ANKRD44: variants seen among roughly 807,000 people sequenced by gnomAD.
ANKRD44 encodes the protein serine/threonine-protein phosphatase 6 regulatory ankyrin repeat subunit B.
Under a neutral mutation model 116.0 loss-of-function variants are expected in ANKRD44, and 35 were observed. That is an observed-to-expected ratio of 0.30 (90% confidence interval 0.23 to 0.40). ANKRD44 has a LOEUF of 0.40. Among genes scored for constraint, ANKRD44 ranks in the 10% least tolerant of loss-of-function variants. The pLI is 1.00. For synonymous variants in ANKRD44, 435 were observed against 461.8 expected (o/e 0.94, Z 0.74); for missense variants, 1,014 against 1,242.6 (o/e 0.82, Z 2.77).
At chr2:197,141,624 A>T (rs1475380864) in intron 3 of ANKRD44, among the ~76,000 whole-genome samples, 1 of 152,224 alleles carries the variant, frequency 6.6e-6, no homozygotes, top group Non-Finnish European at 1.5e-5. Context: ...TTTCAAGGTG[A>T]TTAGAAATGT....
chr2:197,034,083 A>AGAGAGAGAGAGAGC lies in ANKRD44; in HGVS notation c.1651-8817_1651-8816insGCTCTCTCTCTCTC, dbSNP rs1410716481. Among the ~76,000 whole-genome samples the AGAGAGAGAGAGAGC allele has an allele frequency of 8.8e-4, 134 of 151,834 alleles. No individual in the cohort carries two copies. In the Middle Eastern group the frequency reaches 0.01, roughly 12 times the overall value. On this transcript the variant is annotated intron_variant, in intron 16 of 27. Coordinates refer to ENST00000282272, the MANE Select transcript of ANKRD44 (RefSeq NM_001195144.2). ...GAGAGAGAGAGAGAGAGAGAGAGAG[A>AGAGAGAGAGAGAGC]GAGCTCATACTATGCCTTGCTATAC... is the stretch of plus-strand genomic sequence containing the variant.
At chr2:197,038,927 G>A (rs1355197362) in intron 16 of ANKRD44, among the ~76,000 whole-genome samples, 1 of 152,118 alleles carries the variant, frequency 6.6e-6, no homozygotes, top group African/African-American at 2.4e-5. Context: ...AAGAATTGCT[G>A]CAGAAGCCAT....
At chr2:197,010,307 G>A (rs1017760823) in intron 18 of ANKRD44, among the ~76,000 whole-genome samples, 6 of 152,064 alleles carry the variant, frequency 3.9e-5, no homozygotes, top group African/African-American at 1.2e-4. Context: ...CACGGTCACC[G>A]AGCCACAGGC....
intron 1 of ANKRD44, among the ~76,000 whole-genome samples, chr2:197,224,657 C>T (rs2081660624): frequency 6.6e-6 from 1 of 152,100 alleles, no homozygotes; most frequent in Non-Finnish European, 1.5e-5. Context: ...GTTTGTTGCG[C>T]TTTTCTATAC....
chr2:197,182,043 T>G (rs1377358996), intron 2 of ANKRD44, among the ~76,000 whole-genome samples: 1 of 152,216 alleles, frequency 6.6e-6, no homozygotes, highest in African/African-American at 2.4e-5. Flanking sequence ...AAAAGTGTCC[T>G]CTTGACATCA....
At chr2:197,097,618 C>T (rs2078191168) in intron 10 of ANKRD44, among the ~76,000 whole-genome samples, 1 of 152,216 alleles carries the variant, frequency 6.6e-6, no homozygotes, top group African/African-American at 2.4e-5. Flanking sequence ...CTTCTGTCAT[C>T]CCTCAGCCTC....
rs148567022 is a variant in ANKRD44, at chr2:197,030,821, G to T, written c.1651-5554C>A. Among the ~76,000 whole-genome samples the T allele has an allele frequency of 9.6e-3, 1,455 of 152,192 alleles. 17 individuals are homozygous for T. The highest frequency in any genetic ancestry group is 0.033 in the African/African-American group (1,379 of 41,542). On this transcript the variant is annotated intron_variant, in intron 16 of 27. Transcript: ENST00000282272. The stretch of plus-strand genomic sequence containing the variant: ...AGCAATACAAGTGCTTTTGTTGTTG[G>T]TGGTGGTGTTGTTTTTTACTTATTA...
rs1180843759 is a variant in ANKRD44, at chr2:197,056,482, TGTAA to T, written c.1650+22217_1650+22220del. 3.3e-5 allele frequency among the ~76,000 whole-genome samples: 5 copies of T among 152,310 alleles called. No individual in the cohort carries two copies. The East Asian group carries it at 7.7e-4, about 23-fold the overall frequency. On this transcript the variant is annotated intron_variant, in intron 16 of 27. Transcript: ENST00000282272. ...TATGCTGTTGAAAATTGTAATTTTT[TGTAA>T]GTGATATCTTTTTAAAATTTCATTT... is the stretch of plus-strand genomic sequence containing the variant.
intron 17 of ANKRD44, among the ~76,000 whole-genome samples, chr2:197,017,923 T>A (rs1047454685): frequency 6.6e-6 from 1 of 152,216 alleles, no homozygotes; most frequent in African/African-American, 2.4e-5. Flanking sequence ...CAGGGAAGTG[T>A]CTGCTGAAAG....
intron 2 of ANKRD44, among the ~76,000 whole-genome samples, chr2:197,169,195 A>T (rs1354750412): frequency 6.6e-6 from 1 of 151,828 alleles, no homozygotes; most frequent in Admixed American, 6.6e-5. Context: ...TCCTGTCTTT[A>T]TCCAGCCTGA....
At chr2:197,081,258 C>A (rs1450304717) in intron 15 of ANKRD44, among the ~76,000 whole-genome samples, 2 of 152,140 alleles carry the variant, frequency 1.3e-5, no homozygotes, top group Admixed American at 1.3e-4. Flanking sequence ...AGTATTAAGA[C>A]CTTTTAAAAT....
At chr2:196,999,563 C>CTTATTTATTTATTTAT (rs375324261) in intron 23 of ANKRD44, among the ~76,000 whole-genome samples, 2 of 138,396 alleles carry the variant, frequency 1.4e-5, no homozygotes, top group African/African-American at 2.7e-5. Flanking sequence ...TGTACAGACA[C>CTTATTTATTTATTTAT]TTATTTATTT....
At chr2:197,068,320 C>G (rs2077480045) in intron 16 of ANKRD44, among the ~76,000 whole-genome samples, 1 of 137,730 alleles carries the variant, frequency 7.3e-6, no homozygotes, top group African/African-American at 2.7e-5. Flanking sequence ...ATGTAACTAA[C>G]CTGCACAATG....
At chr2:197,108,041 C>T (rs2078474499) in intron 9 of ANKRD44, among the ~76,000 whole-genome samples, 1 of 152,218 alleles carries the variant, frequency 6.6e-6, no homozygotes, top group South Asian at 2.1e-4. Context: ...ATATAAGTGA[C>T]TCTCAGAGTA....
At chr2:197,194,022 G>T (rs2080888708) in intron 1 of ANKRD44, among the ~76,000 whole-genome samples, 2 of 152,172 alleles carry the variant, frequency 1.3e-5, no homozygotes, top group Admixed American at 1.3e-4. Context: ...AACCTTCATA[G>T]ACAAGTACCT....
Position 197,050,422 on chromosome 2 carries a change from T to C in ANKRD44, c.1651-25155A>G, listed in dbSNP as rs185569467. Among the ~76,000 whole-genome samples, 619 of 151,938 alleles carry C rather than the reference T, an allele frequency of 4.1e-3. 3 individuals are homozygous for C. The highest frequency in any genetic ancestry group is 5.7e-3 in the Non-Finnish European group (390 of 67,938). On this transcript the variant is annotated intron_variant, in intron 16 of 27. Transcript: ENST00000282272. ...AAATTCACAATATCATTGTTTTTTG[T>C]TTTTGCTTTTTTTTTTTTGAGGCAG...
chr2:197,092,883 ACCT>A (rs1421174555), intron 10 of ANKRD44, among the ~76,000 whole-genome samples: 1 of 151,632 alleles, frequency 6.6e-6, no homozygotes, highest in Non-Finnish European at 1.5e-5. Context: ...ATGTTTTAAA[ACCT>A]CCTTATAAAA....
intron 2 of ANKRD44, among the ~76,000 whole-genome samples, chr2:197,155,877 A>C (rs1418817662): frequency 6.6e-6 from 1 of 152,228 alleles, no homozygotes; most frequent in South Asian, 2.1e-4. Context: ...AATGAAGATA[A>C]GCCACAGACT....
intron 3 of ANKRD44, among the ~76,000 whole-genome samples, chr2:197,138,257 A>G (rs2079267973): frequency 6.6e-6 from 1 of 152,226 alleles, no homozygotes; most frequent in African/African-American, 2.4e-5. Flanking sequence ...CTCTAAATCT[A>G]TGACTCAGAT....
Sources: gnomAD v4.1 joint callset for allele counts (sites outside exome capture counted in the v4.1 genomes callset) on GRCh38, gnomAD v4.1.1 for gene constraint, MANE v1.5 for transcripts, NCBI Gene and HGNC (gene_info 2026-07-23, HGNC 2026-07-21) for gene names.